The following PAK1 variants were observed in gnomAD, a reference collection of about 807,000 sequenced individuals.
The protein encoded by PAK1 is serine/threonine-protein kinase PAK 1.
In PAK1, 29 loss-of-function variants were observed where a neutral mutation model predicts 67.4. The observed-to-expected ratio is 0.43, with a 90% CI of 0.32 to 0.59. The LOEUF is 0.59. PAK1 is among the 20% of genes least tolerant of loss of function. PAK1 has a pLI of 0.07. For missense variants in PAK1, 337 were observed against 670.7 expected (o/e 0.50, Z 5.50); for synonymous variants, 223 against 237.4 (o/e 0.94, Z 0.56).
At chr11:77,392,264 T>C (rs945773847) in intron 2 of PAK1, 67 bp downstream of exon 2, 1 of 1,106,498 alleles carries the variant, frequency 9.0e-7, no homozygotes, top group Non-Finnish European at 1.3e-6. Flanking sequence ...ACAGATCTTT[T>C]ATCCAGGTTA....
At chr11:77,354,751 A>C (rs1218534777) in intron 7 of PAK1, among the ~76,000 whole-genome samples, 2 of 152,206 alleles carry the variant, frequency 1.3e-5, no homozygotes, top group Non-Finnish European at 2.9e-5. Context: ...GAACTAGAGA[A>C]CCACAAAGCA....
At chr11:77,480,919 G>T in the PAK1 span, among the ~76,000 whole-genome samples, 1 of 152,194 alleles carries the variant, frequency 6.6e-6, no homozygotes, top group African/African-American at 2.4e-5. Flanking sequence ...TTGTTGCTGT[G>T]TGCCCAGCTT....
the PAK1 span, among the ~76,000 whole-genome samples, chr11:77,513,002 G>A: frequency 3.9e-5 from 6 of 152,294 alleles, no homozygotes; most frequent in East Asian, 9.7e-4. Flanking sequence ...GCTGAGGTGG[G>A]AGGATGGCTT....
chr11:77,353,449 T>C (rs891528180), intron 8 of PAK1, 87 bp downstream of exon 8: 2 of 877,508 alleles, frequency 2.3e-6, no homozygotes. Context: ...ACAAGGTTTA[T>C]GAGAGGCAAA....
At chr11:77,324,750 T>TACACACACACACAC (rs142981945) in intron 14 of PAK1, among the ~76,000 whole-genome samples, 4 of 140,706 alleles carry the variant, frequency 2.8e-5, no homozygotes, top group African/African-American at 1.2e-4. Context: ...TATATATGTA[T>TACACACACACACAC]ACACACACAC....
chr11:77,513,521 A>T, the PAK1 span, among the ~76,000 whole-genome samples: 1 of 151,854 alleles, frequency 6.6e-6, no homozygotes, highest in Non-Finnish European at 1.5e-5. Flanking sequence ...AATACAAAAA[A>T]TTAGCCTGGC....
chr11:77,482,903 GC>G, the PAK1 span, among the ~76,000 whole-genome samples: 1 of 151,982 alleles, frequency 6.6e-6, no homozygotes, highest in Non-Finnish European at 1.5e-5. Context: ...ACCACACCCA[GC>G]TTTTCCCTCA....
At chr11:77,351,988 A>G (rs1332765107) in intron 8 of PAK1, among the ~76,000 whole-genome samples, 1 of 152,148 alleles carries the variant, frequency 6.6e-6, no homozygotes, top group Non-Finnish European at 1.5e-5. Context: ...TCACCCCCAA[A>G]GATTCCCTCA....
intron 1 of PAK1, 79 bp from the exon 2 acceptor site, chr11:77,392,620 A>G: frequency 8.5e-7 from 1 of 1,175,010 alleles, no homozygotes; most frequent in Non-Finnish European, 1.2e-6. Flanking sequence ...AATTGCAAAG[A>G]ATCAAAATTA....
chr11:77,330,846 G>A (rs1431906329), intron 14 of PAK1, among the ~76,000 whole-genome samples: 1 of 152,112 alleles, frequency 6.6e-6, no homozygotes, highest in Non-Finnish European at 1.5e-5. Flanking sequence ...GAGTGAACAG[G>A]CAACCTACAG....
rs115334238 is a variant in PAK1, at chr11:77,467,496, C to T, written c.-22+6056G>A. Reference sequence around the variant, plus strand: ...AACTTTAAATGGCAATAAAATATTACTTTTCATATAATACTTACATAAGAC... The same window carrying T: ...AACTTTAAATGGCAATAAAATATTATTTTTCATATAATACTTACATAAGAC... On this transcript the variant is annotated intron_variant, in intron 1 of 14. Transcript: ENST00000356341. Among the ~76,000 whole-genome samples, 576 of 152,288 alleles carry T rather than the reference C, an allele frequency of 3.8e-3. 6 individuals carry two copies. The highest frequency in any genetic ancestry group is 0.013 in the African/African-American group (537 of 41,552).
the PAK1 span, among the ~76,000 whole-genome samples, chr11:77,525,291 C>T: frequency 6.6e-6 from 1 of 151,260 alleles, no homozygotes; most frequent in African/African-American, 2.4e-5. Context: ...GATCACGCCA[C>T]TGTACTCCAG....
intron 1 of PAK1, among the ~76,000 whole-genome samples, chr11:77,404,451 G>A (rs1236595502): frequency 6.6e-6 from 1 of 151,960 alleles, no homozygotes; most frequent in Non-Finnish European, 1.5e-5. Context: ...ATTTTTAGTA[G>A]AGACAGGGTT....
intron 1 of PAK1, among the ~76,000 whole-genome samples, chr11:77,409,028 G>A (rs944047526): frequency 6.6e-5 from 10 of 152,240 alleles, no homozygotes; most frequent in African/African-American, 2.2e-4. Context: ...ACTTTGGGAG[G>A]GCAAGGCAGG....
intron 1 of PAK1, among the ~76,000 whole-genome samples, chr11:77,453,093 G>A (rs1247747934): frequency 1.3e-5 from 2 of 152,118 alleles, no homozygotes; most frequent in Non-Finnish European, 2.9e-5. Flanking sequence ...GGTGGCTCAC[G>A]CCTGTAATCC....
At chr11:77,452,399 A>G (rs1956898472) in intron 1 of PAK1, among the ~76,000 whole-genome samples, 1 of 152,156 alleles carries the variant, frequency 6.6e-6, no homozygotes, top group South Asian at 2.1e-4. Context: ...GTAAAAATAT[A>G]CTTAATAGGG....
chr11:77,344,917 G>C (rs889940636), intron 9 of PAK1, among the ~76,000 whole-genome samples: 1 of 152,196 alleles, frequency 6.6e-6, no homozygotes, highest in Non-Finnish European at 1.5e-5. Context: ...ACAGAGGAGA[G>C]TGTTCATGGA....
chr11:77,468,470 A>T (rs1246990051), intron 1 of PAK1, among the ~76,000 whole-genome samples: 2 of 152,236 alleles, frequency 1.3e-5, no homozygotes, highest in African/African-American at 2.4e-5. Flanking sequence ...AAAGGCTTAC[A>T]AAAAGGGTAG....
intron 6 of PAK1, among the ~76,000 whole-genome samples, chr11:77,357,375 C>A (rs913446359): frequency 6.6e-6 from 1 of 152,202 alleles, no homozygotes; most frequent in Non-Finnish European, 1.5e-5. Context: ...TGGCTTCCTT[C>A]CTGATTACTA....
Sources: gnomAD v4.1 joint callset for allele counts (sites outside exome capture counted in the v4.1 genomes callset) on GRCh38, gnomAD v4.1.1 for gene constraint, MANE v1.5 for transcripts, NCBI Gene and HGNC (gene_info 2026-07-23, HGNC 2026-07-21) for gene names.